HDX: variants seen among roughly 807,000 people sequenced by gnomAD.
The protein encoded by HDX is chromosome X open reading frame 43.
HDX carries 19 observed loss-of-function variants against 45.2 expected under a neutral mutation model. That is an observed-to-expected ratio of 0.42 (90% CI 0.29 to 0.62). The LOEUF (loss-of-function observed/expected upper bound fraction) is 0.62, where lower values mean the gene tolerates loss of function less well. HDX is among the 20% of genes least tolerant of loss of function. The pLI is 0.20. For missense variants in HDX, 532 were observed against 493.9 expected (o/e 1.08, Z -0.73); for synonymous variants, 188 against 172.8 (o/e 1.09, Z -0.69).
chrX:84,329,265 G>C (rs1407522579), intron 9 of HDX, among the ~76,000 whole-genome samples: 1 of 111,855 alleles, frequency 8.9e-6, no homozygotes, highest in African/African-American at 3.2e-5. Context: ...TAATTTTTCA[G>C]GTTAACTTTG....
intron 5 of HDX, among the ~76,000 whole-genome samples, chrX:84,374,486 A>G (rs1254251551): frequency 9.1e-6 from 1 of 109,875 alleles, no homozygotes; most frequent in African/African-American, 3.3e-5. Context: ...AGCTATAGGC[A>G]TCATGCTACC....
At chrX:84,462,690 G>A (rs1372198415) in intron 4 of HDX, among the ~76,000 whole-genome samples, 1 of 110,158 alleles carries the variant, frequency 9.1e-6, no homozygotes, top group Non-Finnish European at 1.9e-5. Context: ...AAAAAATTAA[G>A]AATTTTTTAA....
At chrX:84,352,841 G>T (rs1167494004) in intron 6 of HDX, among the ~76,000 whole-genome samples, 2 of 111,440 alleles carry the variant, frequency 1.8e-5, no homozygotes, top group Non-Finnish European at 3.8e-5. Flanking sequence ...TGTAAATGCA[G>T]AAGCTTTTCT....
At chrX:84,416,081 G>T (rs771385126) in intron 5 of HDX, among the ~76,000 whole-genome samples, 5 of 111,576 alleles carry the variant, frequency 4.5e-5, no homozygotes, top group Admixed American at 3.8e-4. Context: ...TCATAATTTT[G>T]TCTAGGCTCA....
At chrX:84,428,704 T>A (rs752541704) in intron 5 of HDX, among the ~76,000 whole-genome samples, 6 of 110,411 alleles carry the variant, frequency 5.4e-5, no homozygotes, top group Non-Finnish European at 1.1e-4. Flanking sequence ...GAAGCAGGAG[T>A]TTTTGATTGT....
At chrX:84,371,411 C>T (rs984525960) in intron 5 of HDX, among the ~76,000 whole-genome samples, 1 of 111,783 alleles carries the variant, frequency 8.9e-6, no homozygotes, top group Non-Finnish European at 1.9e-5. Flanking sequence ...CACCTGTATC[C>T]TAAATGGGAA....
chrX:84,447,151 G>A (rs1243878416), intron 4 of HDX, among the ~76,000 whole-genome samples: 3 of 111,803 alleles, frequency 2.7e-5, no homozygotes, highest in African/African-American at 9.8e-5. Flanking sequence ...GGAAGATGCC[G>A]GAATGACACT....
chrX:84,488,870 C>T (rs7879092), intron 1 of HDX, among the ~76,000 whole-genome samples: 5,152 of 111,425 alleles, frequency 0.046, 299 homozygotes, highest in African/African-American at 0.16. Context: ...TCTGTCTCTT[C>T]ATTAAAACAC....
chrX:84,393,441 G>A (rs188452389), intron 5 of HDX, among the ~76,000 whole-genome samples: 39 of 111,451 alleles, frequency 3.5e-4, no homozygotes, highest in Admixed American at 2.2e-3. Context: ...TTTTGTTGAG[G>A]ATTTTTGTTT....
chrX:84,375,543 A>G (rs1434323531), intron 5 of HDX, among the ~76,000 whole-genome samples: 1 of 112,166 alleles, frequency 8.9e-6, no homozygotes, highest in Non-Finnish European at 1.9e-5. Context: ...GCACATATAC[A>G]CCATGGAATA....
intron 5 of HDX, among the ~76,000 whole-genome samples, chrX:84,406,548 T>TCTAC (rs1280976161): frequency 3.7e-5 from 4 of 106,812 alleles, no homozygotes; most frequent in Admixed American, 3.0e-4. Flanking sequence ...TATGTATCTA[T>TCTAC]CTATATCTAT....
chrX:84,348,009 T>C lies in HDX; in HGVS notation c.1453-3552A>G, dbSNP rs1220225353. On this transcript the variant is annotated intron_variant, in intron 6 of 10. Coordinates refer to ENST00000373177, the MANE Select transcript of HDX (RefSeq NM_001177479.2). ...TCTGTGGTTTGATATGTTACATTAA[T>C]TTAGGGAAAATTCTCAGTTATTATG... is the stretch of plus-strand genomic sequence containing the variant. Among the ~76,000 whole-genome samples the C allele has an allele frequency of 6.7e-4, 75 of 111,401 alleles. No individual in the cohort carries two copies. The Admixed American group carries it at 7.2e-3, about 11-fold the overall frequency.
Position 84,319,777 on chromosome X carries a change from A to G in HDX, c.*2112T>C, listed in dbSNP as rs183133487. The G allele has an allele frequency of 5.4e-5, 6 of 111,437 alleles. No homozygotes were observed. Among genetic ancestry groups the G allele is most frequent in the African/African-American group, 1.6e-4 (5 of 30,869 alleles). The allele number at this position is 111,437 out of a possible 1,213,427, so 9.2% of individuals were successfully genotyped here. On this transcript the variant is annotated 3_prime_UTR_variant, in exon 11 of 11. Coordinates refer to ENST00000373177, the MANE Select transcript of HDX (RefSeq NM_001177479.2). Reference sequence around the variant, plus strand: ...ATATGGTTTATTAATATCATAGAAGATGTTAAAAAGAAATAATTATTTGTG... The same window carrying G: ...ATATGGTTTATTAATATCATAGAAGGTGTTAAAAAGAAATAATTATTTGTG...
At chrX:84,450,763 G>C (rs2039980080) in intron 4 of HDX, among the ~76,000 whole-genome samples, 1 of 112,157 alleles carries the variant, frequency 8.9e-6, no homozygotes, top group Non-Finnish European at 1.9e-5. Flanking sequence ...ACAGCATATG[G>C]AACATTCTCC....
intron 5 of HDX, among the ~76,000 whole-genome samples, chrX:84,373,255 C>T (rs1242535250): frequency 9.0e-6 from 1 of 110,821 alleles, no homozygotes; most frequent in African/African-American, 3.3e-5. Flanking sequence ...GAAATGTTGC[C>T]CCAAATCGGC....
At position 84,384,267 on chromosome X, in the gene HDX, T is replaced by C. The variant is rs1433716834; in HGVS notation, c.1306-22655A>G. Among the ~76,000 whole-genome samples the C allele has an allele frequency of 5.4e-5, 6 of 111,842 alleles. No individual in the cohort carries two copies. The South Asian group carries it at 1.5e-3, about 28-fold the overall frequency. On this transcript the variant is annotated intron_variant, in intron 5 of 10. Coordinates refer to ENST00000373177, the MANE Select transcript of HDX (RefSeq NM_001177479.2). ...TGAGCTATGTGAGATCATATCTCAT[T>C]GTGGTTTTGATTTGCATTTCTCTGA...
At chrX:84,362,417 T>C (rs2037643361) in intron 5 of HDX, among the ~76,000 whole-genome samples, 1 of 111,346 alleles carries the variant, frequency 9.0e-6, no homozygotes, top group African/African-American at 3.3e-5. Flanking sequence ...GAGCTATAAA[T>C]AGAAATATCT....
chrX:84,451,952 G>A (rs780393716), intron 4 of HDX, among the ~76,000 whole-genome samples: 1 of 111,650 alleles, frequency 9.0e-6, no homozygotes, highest in Admixed American at 9.5e-5. Flanking sequence ...ATGCAGAAAA[G>A]CATTTGATAA....
intron 5 of HDX, among the ~76,000 whole-genome samples, chrX:84,395,385 A>C (rs7885045): frequency 9.2e-6 from 1 of 108,648 alleles, no homozygotes; most frequent in Non-Finnish European, 1.9e-5. Context: ...CCAATACTTT[A>C]ATTATATCAT....
Sources: gnomAD v4.1 joint callset for allele counts (sites outside exome capture counted in the v4.1 genomes callset) on GRCh38, gnomAD v4.1.1 for gene constraint, MANE v1.5 for transcripts, NCBI Gene and HGNC (gene_info 2026-07-23, HGNC 2026-07-21) for gene names.